The following PTPRN2 variants were observed in gnomAD, a reference collection of about 807,000 sequenced individuals.
PTPRN2 encodes the protein receptor-type tyrosine-protein phosphatase N2.
In PTPRN2, 74 loss-of-function variants were observed where a neutral mutation model predicts 118.8. The ratio of observed to expected loss-of-function variants is 0.62; its 90% CI spans 0.52 to 0.76. PTPRN2 has a LOEUF of 0.76. PTPRN2 is among the 30% of genes least tolerant of loss of function. PTPRN2 has a pLI of 0.00. For synonymous variants in PTPRN2, 641 were observed against 608.0 expected, an observed-to-expected ratio of 1.05 and a Z score of -0.80; for missense variants, 1,481 against 1,394.4, an observed-to-expected ratio of 1.06 and a Z score of -0.99.
At position 157,974,939 on chromosome 7, in the gene PTPRN2, G is replaced by C. The variant is rs892047270; in HGVS notation, c.1724-76202C>G. Among the ~76,000 whole-genome samples, 1 of 151,984 alleles carries C rather than the reference G, an allele frequency of 6.6e-6. No individual in the cohort carries two copies. The highest frequency in any genetic ancestry group is 2.4e-5 in the African/African-American group (1 of 41,350). Reference sequence around the variant, plus strand: ...GTCTGGGAGTGAGCAGAGGACCAGGGTATGGAACAAGCCCTAGTCAGAAAT... The same window carrying C: ...GTCTGGGAGTGAGCAGAGGACCAGGCTATGGAACAAGCCCTAGTCAGAAAT... On this transcript the variant is annotated intron_variant, in intron 11 of 22. Transcript: ENST00000389418. The surrounding 1 kb of genome is among the most constrained non-coding windows in gnomAD (Gnocchi z 4.0).
At position 158,570,925 on chromosome 7, in the gene PTPRN2, C is replaced by A. The variant is rs1827990905; in HGVS notation, c.112+16633G>T. On this transcript the variant is annotated intron_variant, in intron 1 of 22. Coordinates refer to ENST00000389418, the MANE Select transcript of PTPRN2 (RefSeq NM_002847.5). This position sits in a 1 kb window ranked among gnomAD's most constrained non-coding sequence, Gnocchi z 4.5. ...TGGCCTTCCTCTGCTCAGAAGCCCA[C>A]CCCTGCAGAGCAAAGCCCGGGTCCC... 6.6e-6 allele frequency among the ~76,000 whole-genome samples: 1 copy of A among 152,240 alleles called. No homozygotes were observed. Among genetic ancestry groups the A allele is most frequent in the Non-Finnish European group, 1.5e-5 (1 of 68,046 alleles).
chr7:158,206,832 A>T (rs947962834), intron 3 of PTPRN2, among the ~76,000 whole-genome samples: 1 of 150,126 alleles, frequency 6.7e-6, no homozygotes, highest in African/African-American at 2.5e-5. Context: ...TTATACTTTA[A>T]GTTTTAGGGT....
intron 11 of PTPRN2, among the ~76,000 whole-genome samples, chr7:158,033,014 C>G (rs954730575): frequency 6.6e-6 from 1 of 151,592 alleles, no homozygotes; most frequent in African/African-American, 2.4e-5. Context: ...TTCTGTAAGT[C>G]GCTCACTGAT....
intron 12 of PTPRN2, among the ~76,000 whole-genome samples, chr7:157,877,729 G>T (rs908976005): frequency 1.3e-5 from 2 of 152,194 alleles, no homozygotes; most frequent in Non-Finnish European, 2.9e-5. Context: ...GGGCCTCAGA[G>T]CCAGGTCTCA....
At chr7:158,225,690 A>C (rs1828714730) in intron 3 of PTPRN2, among the ~76,000 whole-genome samples, 1 of 152,228 alleles carries the variant, frequency 6.6e-6, no homozygotes, top group Admixed American at 6.5e-5. Flanking sequence ...AGAAATGAAG[A>C]GGTGAATTTG....
intron 12 of PTPRN2, among the ~76,000 whole-genome samples, chr7:157,767,383 G>A (rs1173512617): frequency 6.6e-6 from 1 of 152,218 alleles, no homozygotes; most frequent in African/African-American, 2.4e-5. Flanking sequence ...CATGTTATCT[G>A]TGTTCTTAGG....
Position 157,610,236 on chromosome 7 carries a change from T to G in PTPRN2, c.2345-6161A>C, listed in dbSNP as rs546423436. ...CCAGGGGCCTCACGGAACTTGGCAA[T>G]GGGGTTCCCTCCTCCCAGGGGCCTC... On this transcript the variant is annotated intron_variant, in intron 15 of 22. Coordinates refer to ENST00000389418, the MANE Select transcript of PTPRN2 (RefSeq NM_002847.5). This position sits in a 1 kb window ranked among gnomAD's most constrained non-coding sequence, Gnocchi z 5.1. Among the ~76,000 whole-genome samples, 1 of 152,250 alleles carries G rather than the reference T, an allele frequency of 6.6e-6. No homozygotes were observed. Among genetic ancestry groups the G allele is most frequent in the African/African-American group, 2.4e-5 (1 of 41,532 alleles).
intron 12 of PTPRN2, among the ~76,000 whole-genome samples, chr7:157,857,035 TGCCATCAGCTTGGGC>T (rs55905276): frequency 0.11 from 16,604 of 151,616 alleles, 1,253 homozygotes; most frequent in East Asian, 0.36. Context: ...AAAGCTGCAG[TGCCATCAGCTTGGGC>T]GCCATGAGTG....
At chr7:157,891,935 C>CT (rs1796833448) in intron 12 of PTPRN2, among the ~76,000 whole-genome samples, 1 of 152,238 alleles carries the variant, frequency 6.6e-6, no homozygotes, top group Admixed American at 6.5e-5. Flanking sequence ...GTCTGAGCAG[C>CT]TCTTCCCCTC....
rs1805786920 is a variant in PTPRN2 at position 157,808,685 on chromosome 7, TG to T, written c.1788+89987del. On this transcript the variant is annotated intron_variant, in intron 12 of 22. Coordinates refer to ENST00000389418, the MANE Select transcript of PTPRN2 (RefSeq NM_002847.5). The surrounding 1 kb of genome is among the most constrained non-coding windows in gnomAD (Gnocchi z 5.0). ...TAACACAAATTAAGTGCACAGTAAA[TG>T]TAATGCGTTTGAATCATCCTGAAAC... 6.6e-6 allele frequency among the ~76,000 whole-genome samples: 1 copy of T among 152,144 alleles called. No individual in the cohort carries two copies. The highest frequency in any genetic ancestry group is 1.9e-4 in the East Asian group (1 of 5,202).
chr7:158,184,913 T>C (rs919915770), intron 5 of PTPRN2, among the ~76,000 whole-genome samples: 4 of 152,232 alleles, frequency 2.6e-5, no homozygotes, highest in African/African-American at 9.6e-5. Context: ...CATTCAGCCC[T>C]TCACCAGTTG....
chr7:158,549,338 G>A (rs73729697), intron 1 of PTPRN2, among the ~76,000 whole-genome samples: 2,760 of 152,288 alleles, frequency 0.018, 78 homozygotes, highest in African/African-American at 0.062. Context: ...CGTGGACGCC[G>A]TGCCCTGCCT....
intron 22 of PTPRN2, among the ~76,000 whole-genome samples, chr7:157,542,539 G>A (rs188055392): frequency 3.3e-5 from 5 of 152,040 alleles, no homozygotes; most frequent in South Asian, 2.1e-4. Context: ...GCTGCCCAGC[G>A]GCCTCTCAGG....
intron 2 of PTPRN2, among the ~76,000 whole-genome samples, chr7:158,395,388 C>T (rs1467417231): frequency 1.7e-5 from 1 of 60,352 alleles, no homozygotes; most frequent in Non-Finnish European, 3.1e-5. Flanking sequence ...GCGCGAGGGG[C>T]GAGGGGCCAG....
At chr7:158,071,216 TG>T (rs1811460627) in intron 11 of PTPRN2, among the ~76,000 whole-genome samples, 3 of 53,140 alleles carry the variant, frequency 5.6e-5, no homozygotes, top group Non-Finnish European at 1.1e-4. Flanking sequence ...CTCGTGGTGG[TG>T]GAGGTGCCCG....
rs747522672 is a variant in PTPRN2, at chr7:157,630,512, C to T, written c.2197-9003G>A. Among the ~76,000 whole-genome samples the T allele has an allele frequency of 2.7e-4, 41 of 152,306 alleles. 1 individual carries two copies. In the Middle Eastern group the frequency reaches 0.027, roughly 101 times the overall value. ...TCCCGCTCCTCTAACACACCGTGTG[C>T]CCGTCACGGCAGCACCTTTGACTTG... On this transcript the variant is annotated intron_variant, in intron 14 of 22. Transcript: ENST00000389418.
chr7:157,690,764 T>C lies in PTPRN2; in HGVS notation c.1789-7827A>G, dbSNP rs1167021212. Among the ~76,000 whole-genome samples, 2 of 150,974 alleles carry C rather than the reference T, an allele frequency of 1.3e-5. No homozygotes were observed. The highest frequency in any genetic ancestry group is 3.0e-5 in the Non-Finnish European group (2 of 67,656). On this transcript the variant is annotated intron_variant, in intron 12 of 22. Transcript: ENST00000389418. This position sits in a 1 kb window ranked among gnomAD's most constrained non-coding sequence, Gnocchi z 7.1. ...AGGAGACAAAGGTGCCGCGCGTCGCTGCTCCAGCAGCAGCGGCTGCGCGGC... is the reference window on the plus strand; with the variant it reads ...AGGAGACAAAGGTGCCGCGCGTCGCCGCTCCAGCAGCAGCGGCTGCGCGGC...
intron 2 of PTPRN2, among the ~76,000 whole-genome samples, chr7:158,362,372 T>C (rs533023079): frequency 2.2e-3 from 300 of 136,418 alleles, no homozygotes; most frequent in Non-Finnish European, 3.7e-3. Flanking sequence ...AAGAAAAAAA[T>C]GTCCACAACT....
chr7:158,482,556 G>T (rs2129444977), intron 2 of PTPRN2, among the ~76,000 whole-genome samples: 1 of 152,236 alleles, frequency 6.6e-6, no homozygotes, highest in South Asian at 2.1e-4. Context: ...CCTGTACATT[G>T]TTTTTTAGAC....
Sources: allele counts gnomAD v4.1 joint callset (sites outside exome capture counted in the v4.1 genomes callset), GRCh38; gene constraint gnomAD v4.1.1; non-coding constraint Gnocchi (gnomAD v3.1); transcripts MANE v1.5; gene names NCBI Gene and HGNC (gene_info 2026-07-23, HGNC 2026-07-21).